PTDSS1: variants seen among roughly 807,000 people sequenced by gnomAD.
The protein encoded by PTDSS1 is PSS-1.
In PTDSS1, 45 loss-of-function variants were observed where a neutral mutation model predicts 70.5. The observed-to-expected ratio is 0.64, with a 90% CI of 0.50 to 0.82. The LOEUF (loss-of-function observed/expected upper bound fraction) is 0.82, where lower values mean the gene tolerates loss of function less well. PTDSS1 is among the 40% of genes least tolerant of loss of function. The pLI is 0.00. For synonymous variants in PTDSS1, 188 were observed against 203.8 expected (o/e 0.92, Z 0.66); for missense variants, 417 against 586.1 (o/e 0.71, Z 2.98).
intron 4 of PTDSS1, 128 bp downstream of exon 4, chr8:96,287,274 T>C: frequency 7.7e-7 from 1 of 1,298,690 alleles, no homozygotes. Flanking sequence ...AAACCAGGTC[T>C]CTGGGAGGGT....
At chr8:96,265,832 C>T (rs745978527) in intron 1 of PTDSS1, among the ~76,000 whole-genome samples, 4 of 152,196 alleles carry the variant, frequency 2.6e-5, no homozygotes, top group Non-Finnish European at 5.9e-5. Flanking sequence ...TGGCTTACGC[C>T]GGTAATCCTA....
intron 3 of PTDSS1, among the ~76,000 whole-genome samples, chr8:96,285,163 G>A (rs1340206332): frequency 6.6e-6 from 1 of 152,250 alleles, no homozygotes; most frequent in Non-Finnish European, 1.5e-5. Flanking sequence ...AGCTTGAGGA[G>A]TGATGGGAGG....
At chr8:96,296,932 C>T (rs939407787) in intron 5 of PTDSS1, among the ~76,000 whole-genome samples, 1 of 152,244 alleles carries the variant, frequency 6.6e-6, no homozygotes, top group African/African-American at 2.4e-5. Context: ...GCAGACTGGG[C>T]ATCTGCTGTA....
chr8:96,292,230 G>A (rs1014138258), intron 4 of PTDSS1, among the ~76,000 whole-genome samples: 2 of 150,436 alleles, frequency 1.3e-5, no homozygotes, highest in African/African-American at 2.4e-5. Flanking sequence ...AACCCGGGAG[G>A]CGGAGGTTGC....
chr8:96,330,121 C>A, intron 10 of PTDSS1, 92 bp from the exon 11 acceptor site: 1 of 1,218,648 alleles, frequency 8.2e-7, no homozygotes, highest in Non-Finnish European at 1.2e-6. Context: ...GGCAGAAATG[C>A]ATTGAACGGT....
At chr8:96,310,798 G>A (rs1339039424) in intron 9 of PTDSS1, among the ~76,000 whole-genome samples, 2 of 151,348 alleles carry the variant, frequency 1.3e-5, no homozygotes, top group Non-Finnish European at 2.9e-5. Context: ...GAGACGGAGT[G>A]TTCTGTCGCC....
Position 96,313,321 on chromosome 8 carries a change from A to G in PTDSS1, c.1073+3699A>G, listed in dbSNP as rs117847831. 1.4e-4 allele frequency among the ~76,000 whole-genome samples: 22 copies of G among 152,312 alleles called. No individual in the cohort carries two copies. The East Asian group carries it at 2.1e-3, about 15-fold the overall frequency. Reference sequence around the variant, plus strand: ...CATCCAGCAAGGGAATGGGATCCCTAACAGAGAGAAAGCAGCCGTGTGGAA... The same window carrying G: ...CATCCAGCAAGGGAATGGGATCCCTGACAGAGAGAAAGCAGCCGTGTGGAA... On this transcript the variant is annotated intron_variant, in intron 9 of 12. Transcript: ENST00000517309.
chr8:96,297,422 C>T (rs1307015550), intron 5 of PTDSS1, among the ~76,000 whole-genome samples: 6 of 152,224 alleles, frequency 3.9e-5, no homozygotes, highest in African/African-American at 1.4e-4. Context: ...AGGTGATCCA[C>T]CTGCCTCAGC....
rs201044722 is a variant in PTDSS1 at position 96,333,438 on chromosome 8, C to T, written c.1313-19C>T. The T allele has an allele frequency of 1.9e-6, 3 of 1,593,490 alleles. No homozygotes were observed. The highest frequency in any genetic ancestry group is 1.7e-5 in the Admixed American group (1 of 59,990). ...CTCCAGAGCCCAGGGTGACGGTGTG[C>T]TCTGATTCCTTTGGCCAGGTTCTGA... is the stretch of plus-strand genomic sequence containing the variant. On this transcript the variant is annotated intron_variant, in intron 12 of 12. Coordinates refer to ENST00000517309, the MANE Select transcript of PTDSS1 (RefSeq NM_014754.3).
chr8:96,331,804 C>T lies in PTDSS1; in HGVS notation c.1312+709C>T, dbSNP rs533806190. 7.9e-5 allele frequency among the ~76,000 whole-genome samples: 12 copies of T among 152,066 alleles called. No individual in the cohort carries two copies. In the East Asian group the frequency reaches 1.4e-3, roughly 17 times the overall value. On this transcript the variant is annotated intron_variant, in intron 12 of 12. Coordinates refer to ENST00000517309, the MANE Select transcript of PTDSS1 (RefSeq NM_014754.3). ...CAGTGGCTCACGCCTGTAACCCCAG[C>T]GCTTTGGGATGCCATGGCAGGATCA...
Position 96,320,246 on chromosome 8 carries a change from G to T in PTDSS1, c.1074G>T (p.Gly358=). Residue 358 remains glycine, a splice_region_variant and synonymous_variant, in exon 10 of 13, where the codon GGG becomes GGT. Coordinates refer to ENST00000517309, the MANE Select transcript of PTDSS1 (RefSeq NM_014754.3). ...TAACCTCTGTTCTCTGTCTAATTAGGGTCATTGGTTTCCTGGAGGCCATTG... is the reference window on the plus strand; with the variant it reads ...TAACCTCTGTTCTCTGTCTAATTAGTGTCATTGGTTTCCTGGAGGCCATTG... The part of the protein sequence containing the change: ...KRVGTQCWVF[G]VIGFLEAIVC... 6.3e-7 allele frequency: 1 copy of T among 1,596,558 alleles called. No individual in the cohort carries two copies. Among genetic ancestry groups the T allele is most frequent in the Non-Finnish European group, 8.6e-7 (1 of 1,164,140 alleles).
rs1253492822 is a variant in PTDSS1, at chr8:96,296,181, C to T, written c.600+925C>T. ...TTTGCGACAGAGTCTTGCTCTCGCC[C>T]AGGCTGGAGTGCAGTGGCACGATCT... On this transcript the variant is annotated intron_variant, in intron 5 of 12. Coordinates refer to ENST00000517309, the MANE Select transcript of PTDSS1 (RefSeq NM_014754.3). Among the ~76,000 whole-genome samples, 5 of 146,306 alleles carry T rather than the reference C, an allele frequency of 3.4e-5. No individual in the cohort carries two copies. In the South Asian group the frequency reaches 1.1e-3, roughly 32 times the overall value.
At chr8:96,327,819 C>T (rs1036268479) in intron 10 of PTDSS1, among the ~76,000 whole-genome samples, 2 of 152,186 alleles carry the variant, frequency 1.3e-5, no homozygotes, top group African/African-American at 4.8e-5. Flanking sequence ...GCTCTCATCC[C>T]ACGTAGTTTC....
chr8:96,311,394 T>C (rs541412150), intron 9 of PTDSS1, among the ~76,000 whole-genome samples: 26 of 152,286 alleles, frequency 1.7e-4, no homozygotes, highest in African/African-American at 5.8e-4. Context: ...AACAGGACAT[T>C]CTTCCAATTA....
intron 2 of PTDSS1, among the ~76,000 whole-genome samples, chr8:96,279,188 C>A (rs1480986587): frequency 6.6e-6 from 1 of 151,040 alleles, no homozygotes; most frequent in Non-Finnish European, 1.5e-5. Flanking sequence ...ACTATGCTGG[C>A]CAGGCTGGTC....
At chr8:96,266,192 CA>C (rs1308945378) in intron 1 of PTDSS1, among the ~76,000 whole-genome samples, 1 of 152,216 alleles carries the variant, frequency 6.6e-6, no homozygotes, top group East Asian at 1.9e-4. Flanking sequence ...CCTTAAGAGG[CA>C]CCTGCCATTA....
intron 3 of PTDSS1, 61 bp from the exon 4 acceptor site, chr8:96,286,961 T>C (rs992098258): frequency 1.9e-6 from 3 of 1,596,472 alleles, no homozygotes; most frequent in Admixed American, 1.7e-5. Context: ...GTCTAATGTG[T>C]ATTGTGTGTG....
At chr8:96,309,722 T>C in intron 9 of PTDSS1, 100 bp downstream of exon 9, 1 of 1,128,722 alleles carries the variant, frequency 8.9e-7, no homozygotes, top group Non-Finnish European at 1.3e-6. Flanking sequence ...GTATAATTTT[T>C]CTATGAAGAC....
intron 9 of PTDSS1, among the ~76,000 whole-genome samples, chr8:96,313,697 G>C (rs1811244788): frequency 6.6e-6 from 1 of 152,138 alleles, no homozygotes; most frequent in Admixed American, 6.5e-5. Flanking sequence ...CTGCCTCCCA[G>C]AGGCAGCCAG....
Sources: allele counts gnomAD v4.1 joint callset (sites outside exome capture counted in the v4.1 genomes callset), GRCh38; gene constraint gnomAD v4.1.1; transcripts MANE v1.5; gene names NCBI Gene and HGNC (gene_info 2026-07-23, HGNC 2026-07-21).